Variants in GLB1 observed in about 807,000 individuals in gnomAD.
GLB1 encodes beta-galactosidase.
A neutral mutation model predicts 74.0 loss-of-function variants in GLB1; 56 were observed. That is an observed-to-expected ratio of 0.76 (90% CI 0.61 to 0.94). GLB1 has a LOEUF of 0.94. Ranked by LOEUF, GLB1 falls within the 40% of genes least tolerant of loss-of-function variation. The probability of loss-of-function intolerance (pLI) is 0.00; values close to 1 mark genes in which losing one functional copy is unlikely to be tolerated. For missense variants in GLB1, 787 were observed against 845.5 expected (o/e 0.93, Z 0.86); for synonymous variants, 323 against 323.6 (o/e 1.00, Z 0.02).
At chr3:33,076,633 A>T (rs1018095579) in intron 1 of GLB1, among the ~76,000 whole-genome samples, 1 of 152,144 alleles carries the variant, frequency 6.6e-6, no homozygotes, top group Non-Finnish European at 1.5e-5. Flanking sequence ...TCTTGGGGAG[A>T]AATCTGAGTG....
chr3:32,979,871 A>G, the GLB1 span, among the ~76,000 whole-genome samples: 6 of 113,094 alleles, frequency 5.3e-5, no homozygotes, highest in African/African-American at 1.5e-4. Flanking sequence ...AAAAAAAAAA[A>G]AAAAAAAGAA....
rs1284882385 is a variant in GLB1, at chr3:33,051,769, G to T, written c.944C>A (p.Ala315Asp). 3 of 1,614,048 alleles carry T rather than the reference G, an allele frequency of 1.9e-6. No individual in the cohort carries two copies. In the Admixed American group the frequency reaches 5.0e-5, roughly 27 times the overall value. The change falls in exon 9 of 16, where the codon GCC (alanine) becomes GAC (aspartate). Residue 315 changes from alanine to aspartate, a missense_variant. By Grantham distance (126) the Ala-to-Asp change is moderately radical. Transcript: ENST00000307363. ...TAAAGTGCTCTTACCATTCCAATAGGCAAAATTGGTCCCACCTATAAACAT... is the reference window on the plus strand; with the variant it reads ...TAAAGTGCTCTTACCATTCCAATAGTCAAAATTGGTCCCACCTATAAACAT... ...LYMFIGGTNF[A>D]YWNGANSPYA...
chr3:33,042,483 T>C, intron 10 of GLB1, among the ~76,000 whole-genome samples: 1 of 149,766 alleles, frequency 6.7e-6, no homozygotes, highest in East Asian at 2.0e-4. Context: ...TTCTTCTGCC[T>C]CAGCCTCCGG....
At position 33,051,938 on chromosome 3, in the gene GLB1, C is replaced by T. The variant is rs748853764; in HGVS notation, c.859G>A (p.Glu287Lys). ...WGQPHSTIKT[E>K]AVASSLYDIL... ...TCATAGAGGGAGGAAGCCACTGCTTCGGTCTTGATTGTGGAGTGAGGTTGG... is the reference window on the plus strand; with the variant it reads ...TCATAGAGGGAGGAAGCCACTGCTTTGGTCTTGATTGTGGAGTGAGGTTGG... The change falls in exon 8 of 16, where the codon GAA (glutamate) becomes AAA (lysine). Residue 287 changes from glutamate to lysine, a missense_variant. Glu to Lys is a moderately conservative substitution (Grantham distance 56). Coordinates refer to ENST00000307363, the MANE Select transcript of GLB1 (RefSeq NM_000404.4). The T allele has an allele frequency of 4.3e-6, 7 of 1,614,232 alleles. No homozygotes were observed. In the South Asian group the frequency reaches 4.4e-5, roughly 10 times the overall value.
chr3:33,094,979 G>A (rs2125588012), intron 1 of GLB1, among the ~76,000 whole-genome samples: 1 of 152,306 alleles, frequency 6.6e-6, no homozygotes, highest in African/African-American at 2.4e-5. Context: ...GGGAGGCCGA[G>A]GCAGGCAGAT....
intron 15 of GLB1, 139 bp downstream of exon 15, chr3:33,013,917 G>T (rs887406986): frequency 6.8e-7 from 1 of 1,479,204 alleles, no homozygotes; most frequent in Non-Finnish European, 9.1e-7. Context: ...GCCACAATCC[G>T]CCTCCTGAAG....
At chr3:33,048,760 G>A (rs1698848876) in intron 9 of GLB1, among the ~76,000 whole-genome samples, 3 of 152,158 alleles carry the variant, frequency 2.0e-5, no homozygotes, top group South Asian at 2.1e-4. Flanking sequence ...GGTGCAAAGG[G>A]TGATCCAAAG....
At chr3:33,046,812 T>C (rs1251655319) in intron 9 of GLB1, among the ~76,000 whole-genome samples, 1 of 152,182 alleles carries the variant, frequency 6.6e-6, no homozygotes, top group Admixed American at 6.5e-5. Context: ...CTACAAAGAC[T>C]GTCGATGGGG....
chr3:33,010,846 T>TTTTG (rs960689958), intron 15 of GLB1, among the ~76,000 whole-genome samples: 3 of 152,108 alleles, frequency 2.0e-5, no homozygotes, highest in Admixed American at 1.3e-4. Flanking sequence ...AGCATACTTT[T>TTTTG]TTTGTTTGTT....
downstream of GLB1, among the ~76,000 whole-genome samples, chr3:32,996,087 T>A (rs1696305380): frequency 6.6e-6 from 1 of 152,188 alleles, no homozygotes; most frequent in Non-Finnish European, 1.5e-5. Context: ...ATCTGTGAGA[T>A]CTGGTAAACC....
At chr3:33,043,580 A>C (rs1444666747) in intron 10 of GLB1, among the ~76,000 whole-genome samples, 1 of 152,198 alleles carries the variant, frequency 6.6e-6, no homozygotes, top group Non-Finnish European at 1.5e-5. Context: ...AACGAATAGA[A>C]ATTATAAAAT....
chr3:33,016,883 A>G, intron 13 of GLB1, 43 bp from the exon 14 acceptor site: 1 of 1,608,822 alleles, frequency 6.2e-7, no homozygotes, highest in South Asian at 1.1e-5. Context: ...TGAGGGTAAG[A>G]AGGTCAGCAA....
chr3:33,031,689 C>G (rs1316860767), intron 10 of GLB1, among the ~76,000 whole-genome samples: 2 of 110,222 alleles, frequency 1.8e-5, no homozygotes, highest in Admixed American at 2.1e-4. Flanking sequence ...TCCACTAAAT[C>G]TTGTAGTTAA....
chr3:33,003,515 A>T (rs935490303), intron 15 of GLB1, among the ~76,000 whole-genome samples: 5 of 152,384 alleles, frequency 3.3e-5, no homozygotes, highest in Middle Eastern at 3.4e-3. Flanking sequence ...TGTTGAGAGT[A>T]GTCTGATGGT....
intron 4 of GLB1, among the ~76,000 whole-genome samples, chr3:33,067,316 T>G (rs1025443573): frequency 1.1e-4 from 16 of 151,806 alleles, no homozygotes; most frequent in African/African-American, 2.9e-4. Context: ...TTTCTTTTTT[T>G]GAGACAAAGT....
intron 5 of GLB1, among the ~76,000 whole-genome samples, chr3:33,060,500 T>C (rs1699396395): frequency 6.6e-6 from 1 of 152,206 alleles, no homozygotes; most frequent in Non-Finnish European, 1.5e-5. Context: ...AATTCAGAGC[T>C]AAAGATCTTA....
At chr3:33,033,306 G>T (rs1698132027) in intron 10 of GLB1, among the ~76,000 whole-genome samples, 1 of 152,140 alleles carries the variant, frequency 6.6e-6, no homozygotes, top group South Asian at 2.1e-4. Flanking sequence ...CCCCAATTTT[G>T]ATTACAATCT....
At chr3:33,030,636 G>A in intron 10 of GLB1, 1 of 985,358 alleles carries the variant, frequency 1.0e-6, no homozygotes, top group Non-Finnish European at 1.2e-6. Context: ...AGCTTTTGAA[G>A]TACAGAAAAA....
chr3:33,016,636 G>A lies in GLB1; in HGVS notation c.1479+73C>T. On this transcript the variant is annotated intron_variant, in intron 14 of 15. Transcript: ENST00000307363. ...CAAAGTGCTGAGATTACAGGTGTGA[G>A]CCACTGTACTGGGCTTCAACTTCTA... 2.5e-6 allele frequency: 4 copies of A among 1,601,868 alleles called. No homozygotes were observed. In the South Asian group the frequency reaches 3.3e-5, roughly 13 times the overall value.
Sources: allele counts gnomAD v4.1 joint callset (sites outside exome capture counted in the v4.1 genomes callset), GRCh38; gene constraint gnomAD v4.1.1; transcripts MANE v1.5; gene names NCBI Gene and HGNC (gene_info 2026-07-23, HGNC 2026-07-21).